The following THUMPD2 variants were observed in gnomAD, a reference collection of about 807,000 sequenced individuals.
The protein encoded by THUMPD2 is THUMP domain 2 tRNA and snRNA guanosine methyltransferase.
A neutral mutation model predicts 49.4 loss-of-function variants in THUMPD2; 56 were observed. That is an observed-to-expected ratio of 1.13 (90% CI 0.91 to 1.41). The LOEUF (loss-of-function observed/expected upper bound fraction) is 1.41, where lower values mean the gene tolerates loss of function less well. THUMPD2 is among the 40% of genes most tolerant of loss of function. The pLI, the probability that THUMPD2 is intolerant of heterozygous loss-of-function variation, is 0.00. For synonymous variants in THUMPD2, 237 were observed against 205.2 expected, an observed-to-expected ratio of 1.15 and a Z score of -1.32; for missense variants, 709 against 594.5, an observed-to-expected ratio of 1.19 and a Z score of -2.00.
chr2:39,755,375 G>T lies in THUMPD2; in HGVS notation c.998C>A (p.Ser333Ter). 1 of 1,559,854 alleles carries T rather than the reference G, an allele frequency of 6.4e-7. No homozygotes were observed. Among genetic ancestry groups the T allele is most frequent in the Non-Finnish European group, 8.6e-7 (1 of 1,162,216 alleles). ...VYYVGADVSD[S>*]QLLGTWDNLK... is the part of the protein sequence containing the mutation. ...ATTGTCCCAAGTACCTAGTAACTGT[G>T]AGTCGCTGACATCAGCACCTACATA... Residue 333 changes from serine to a stop codon, truncating the protein, a stop_gained, in exon 8 of 10, where the codon TCA becomes TAA. Transcript: ENST00000505747. LOFTEE classifies it high-confidence loss of function.
intron 9 of THUMPD2, among the ~76,000 whole-genome samples, chr2:39,741,780 G>A (rs1673926233): frequency 6.6e-6 from 1 of 152,042 alleles, no homozygotes; most frequent in Non-Finnish European, 1.5e-5. Flanking sequence ...GTTATGAACA[G>A]GTTTGTTGTA....
At chr2:39,776,379 G>C (rs1158244080) in intron 1 of THUMPD2, among the ~76,000 whole-genome samples, 1 of 149,236 alleles carries the variant, frequency 6.7e-6, no homozygotes, top group African/African-American at 2.4e-5. Flanking sequence ...CTACACCATA[G>C]AGACTCAGTA....
intron 5 of THUMPD2, 39 bp downstream of exon 5, chr2:39,766,018 T>C: frequency 6.6e-7 from 1 of 1,504,984 alleles, no homozygotes; most frequent in Non-Finnish European, 9.0e-7. Context: ...AATTTAACCA[T>C]CTGTCTTATG....
At chr2:39,744,746 C>T (rs552899801) in intron 8 of THUMPD2, 1 of 234,296 alleles carries the variant, frequency 4.3e-6, no homozygotes, top group Admixed American at 5.9e-5. Context: ...AGCCAGAAAA[C>T]TCAATTCTCT....
intron 6 of THUMPD2, among the ~76,000 whole-genome samples, chr2:39,756,951 G>GAA (rs35726811): frequency 1.2e-4 from 17 of 142,638 alleles, no homozygotes; most frequent in South Asian, 6.7e-4. Flanking sequence ...TGGTATTGGA[G>GAA]AAAAAAAAAA....
intron 8 of THUMPD2, among the ~76,000 whole-genome samples, chr2:39,751,680 G>GT (rs1558503114): frequency 5.4e-5 from 6 of 111,912 alleles, no homozygotes; most frequent in Non-Finnish European, 1.1e-4. Context: ...CATATTAAAA[G>GT]ATTTTTTTTT....
chr2:39,737,868 G>C (rs1415914632), intron 9 of THUMPD2, among the ~76,000 whole-genome samples: 1 of 152,196 alleles, frequency 6.6e-6, no homozygotes, highest in East Asian at 1.9e-4. Context: ...AGAGGAGGCA[G>C]CTCTGAAAGC....
intron 8 of THUMPD2, among the ~76,000 whole-genome samples, chr2:39,745,238 G>A (rs947723192): frequency 5.3e-5 from 8 of 152,132 alleles, no homozygotes; most frequent in African/African-American, 1.9e-4. Flanking sequence ...TTGCAGAAAT[G>A]TAATGAAATT....
chr2:39,763,245 T>G (rs1311108801), intron 5 of THUMPD2, among the ~76,000 whole-genome samples: 2 of 152,068 alleles, frequency 1.3e-5, no homozygotes. Flanking sequence ...CTAGACTTGT[T>G]ACCTGAACCC....
intron 8 of THUMPD2, among the ~76,000 whole-genome samples, chr2:39,750,188 C>A (rs980812514): frequency 6.6e-6 from 1 of 152,188 alleles, no homozygotes; most frequent in Non-Finnish European, 1.5e-5. Context: ...GTCTTCCCAA[C>A]GGTTGAAGTC....
chr2:39,752,954 C>T (rs1186892171), intron 8 of THUMPD2, among the ~76,000 whole-genome samples: 2 of 152,210 alleles, frequency 1.3e-5, no homozygotes, highest in Non-Finnish European at 2.9e-5. Context: ...CACTCATGCA[C>T]TGGATCCCAT....
chr2:39,755,269 A>G (rs775657166), intron 8 of THUMPD2, 26 bp downstream of exon 8: 13 of 1,352,078 alleles, frequency 9.6e-6, no homozygotes, highest in Non-Finnish European at 1.3e-5. Context: ...CCTTTTCTCA[A>G]TTGTTTTGCA....
At chr2:39,738,643 A>G (rs889784454) in intron 9 of THUMPD2, among the ~76,000 whole-genome samples, 4 of 23,648 alleles carry the variant, frequency 1.7e-4, no homozygotes, top group African/African-American at 7.6e-4. Flanking sequence ...ATATAAATAC[A>G]TAATTTATAT....
chr2:39,751,923 C>T (rs936480157), intron 8 of THUMPD2, among the ~76,000 whole-genome samples: 5 of 151,994 alleles, frequency 3.3e-5, no homozygotes, highest in Admixed American at 3.3e-4. Flanking sequence ...TTGAGCTCAA[C>T]TGATCTGCCT....
At chr2:39,760,382 C>A (rs1447056806) in intron 6 of THUMPD2, among the ~76,000 whole-genome samples, 1 of 151,884 alleles carries the variant, frequency 6.6e-6, no homozygotes, top group African/African-American at 2.4e-5. Context: ...GTTAAGAGAG[C>A]TGGGAAAAGG....
intron 4 of THUMPD2, among the ~76,000 whole-genome samples, chr2:39,767,379 C>T (rs368130377): frequency 2.8e-4 from 42 of 151,444 alleles, no homozygotes; most frequent in South Asian, 1.3e-3. Flanking sequence ...CCGAGGCGGG[C>T]GGATCACGAG....
chr2:39,760,355 A>G (rs952296236), intron 6 of THUMPD2, among the ~76,000 whole-genome samples: 1 of 152,164 alleles, frequency 6.6e-6, no homozygotes, highest in Non-Finnish European at 1.5e-5. Flanking sequence ...AATTAAGAGT[A>G]GAGTCATATA....
chr2:39,751,532 G>A (rs1302439198), intron 8 of THUMPD2, among the ~76,000 whole-genome samples: 1 of 152,038 alleles, frequency 6.6e-6, no homozygotes, highest in East Asian at 1.9e-4. Flanking sequence ...ATCTTATACT[G>A]AGAATGTAAA....
intron 8 of THUMPD2, among the ~76,000 whole-genome samples, chr2:39,749,510 CAG>C (rs1675098507): frequency 1.3e-5 from 2 of 152,220 alleles, no homozygotes; most frequent in Admixed American, 6.5e-5. Flanking sequence ...TCATACTTCA[CAG>C]AGTGATATTT....
Sources: allele counts gnomAD v4.1 joint callset (sites outside exome capture counted in the v4.1 genomes callset), GRCh38; gene constraint gnomAD v4.1.1; transcripts MANE v1.5; gene names NCBI Gene and HGNC (gene_info 2026-07-23, HGNC 2026-07-21).